The following NF2 variants were observed in gnomAD, a reference collection of about 807,000 sequenced individuals.
NF2 encodes NF2, moesin-ezrin-radixin like (MERLIN) tumor suppressor.
NF2 carries 8 observed loss-of-function variants against 83.7 expected under a neutral mutation model. The observed-to-expected ratio is 0.10, with a 90% CI of 0.06 to 0.17. NF2 has a LOEUF of 0.17. Ranked by LOEUF, NF2 falls within the 10% of genes least tolerant of loss-of-function variation. The pLI is 1.00. For synonymous variants in NF2, 266 were observed against 269.6 expected (o/e 0.99, Z 0.13); for missense variants, 533 against 744.4 (o/e 0.72, Z 3.31).
chr22:29,681,680 A>C, intron 15 of NF2, 79 bp downstream of exon 15: 1 of 1,557,602 alleles, frequency 6.4e-7, no homozygotes, highest in Non-Finnish European at 8.8e-7. Context: ...TGGTTTCCTC[A>C]GTAGCCAAGT....
intron 1 of NF2, among the ~76,000 whole-genome samples, chr22:29,628,732 G>A (rs1239658129): frequency 6.7e-6 from 1 of 148,722 alleles, no homozygotes; most frequent in Non-Finnish European, 1.5e-5. Flanking sequence ...CCAAGTTCAA[G>A]CGATTCTCCT....
chr22:29,664,993 A>C lies in NF2; in HGVS notation c.814A>C (p.Thr272Pro). ...GTGTTCTGCTTCATTCTTCCAGTTT[A>C]CTATTAAACCACTGGATAAGAAAAT... ...RNISYSDKEFTIKPLDKKIDV... is the reference protein window; with the variant it reads ...RNISYSDKEFPIKPLDKKIDV... Residue 272 changes from threonine to proline, a missense_variant, in exon 9 of 16, where the codon ACT becomes CCT. Thr to Pro is a conservative substitution (Grantham distance 38). Coordinates refer to ENST00000338641, the MANE Select transcript of NF2 (RefSeq NM_000268.4). 6.2e-7 allele frequency: 1 copy of C among 1,607,974 alleles called. No individual in the cohort carries two copies. The highest frequency in any genetic ancestry group is 1.1e-5 in the South Asian group (1 of 90,860).
At chr22:29,617,202 T>G (rs1197566557) in intron 1 of NF2, among the ~76,000 whole-genome samples, 1 of 152,248 alleles carries the variant, frequency 6.6e-6, no homozygotes, top group East Asian at 1.9e-4. Context: ...GTGCTGGGAT[T>G]ACAGGTGTGA....
intron 7 of NF2, among the ~76,000 whole-genome samples, chr22:29,659,982 A>G (rs1251283441): frequency 6.6e-6 from 1 of 152,208 alleles, no homozygotes; most frequent in Admixed American, 6.5e-5. Flanking sequence ...ATCTGCTGTT[A>G]GATGGGTACT....
At chr22:29,670,366 G>C (rs1426335708) in intron 10 of NF2, among the ~76,000 whole-genome samples, 1 of 152,038 alleles carries the variant, frequency 6.6e-6, no homozygotes, top group South Asian at 2.1e-4. Flanking sequence ...TAGATATGTA[G>C]TAAGCCACCT....
At chr22:29,652,184 T>C (rs1275533023) in intron 4 of NF2, among the ~76,000 whole-genome samples, 7 of 152,144 alleles carry the variant, frequency 4.6e-5, no homozygotes, top group Non-Finnish European at 1.0e-4. Flanking sequence ...ACCCCCCCAC[T>C]TCCCTTCAGG....
intron 8 of NF2, among the ~76,000 whole-genome samples, chr22:29,663,039 G>A (rs2066521924): frequency 6.6e-6 from 1 of 152,198 alleles, no homozygotes; most frequent in African/African-American, 2.4e-5. Context: ...GATCTACTCA[G>A]CCATGCTTGA....
intron 1 of NF2, chr22:29,609,075 G>A: frequency 1.4e-6 from 1 of 740,552 alleles, no homozygotes; most frequent in Non-Finnish European, 2.5e-6. Flanking sequence ...ATGGCTATAA[G>A]AGGAGCCAAT....
intron 15 of NF2, among the ~76,000 whole-genome samples, chr22:29,685,158 C>G (rs2147137782): frequency 6.6e-6 from 1 of 151,998 alleles, no homozygotes; most frequent in South Asian, 2.1e-4. Context: ...CCCTCTGTCA[C>G]CCAGGCTGGT....
At chr22:29,668,472 T>C (rs752936460) in intron 10 of NF2, 26 bp downstream of exon 10, 2 of 1,558,090 alleles carry the variant, frequency 1.3e-6, no homozygotes, top group Non-Finnish European at 1.8e-6. Context: ...TTTTAACTGA[T>C]GATGTCACTG....
chr22:29,683,929 CCCCAGTAGTA>C, intron 15 of NF2: 1 of 1,033,166 alleles, frequency 9.7e-7, no homozygotes. Flanking sequence ...CTCACCTAAT[CCCCAGTAGTA>C]CCCATGCCAA....
At chr22:29,669,514 A>G (rs893097008) in intron 10 of NF2, among the ~76,000 whole-genome samples, 1 of 152,350 alleles carries the variant, frequency 6.6e-6, no homozygotes, top group South Asian at 2.1e-4. Context: ...TTTAAAACAG[A>G]AGCAGAAACA....
intron 6 of NF2, among the ~76,000 whole-genome samples, chr22:29,657,737 A>G (rs1190604409): frequency 6.6e-6 from 1 of 152,236 alleles, no homozygotes; most frequent in East Asian, 1.9e-4. Context: ...CTAACCTCCA[A>G]CAATACTCAG....
At chr22:29,656,185 C>T (rs963488701) in intron 6 of NF2, among the ~76,000 whole-genome samples, 2 of 151,906 alleles carry the variant, frequency 1.3e-5, no homozygotes, top group Non-Finnish European at 2.9e-5. Context: ...AGCAATCTGC[C>T]CACCTCGGCC....
chr22:29,643,847 T>C (rs2065886454), intron 4 of NF2, among the ~76,000 whole-genome samples: 1 of 152,098 alleles, frequency 6.6e-6, no homozygotes, highest in African/African-American at 2.4e-5. Flanking sequence ...GAGGGGCTCC[T>C]TACTTCCCAG....
intron 4 of NF2, among the ~76,000 whole-genome samples, chr22:29,645,537 A>G (rs138202479): frequency 1.3e-5 from 2 of 152,308 alleles, no homozygotes; most frequent in Non-Finnish European, 2.9e-5. Context: ...TGTCCTTTCA[A>G]TCAGTATCAC....
Position 29,658,225 on chromosome 22 carries a change from G to A in NF2, c.636G>A (p.Gln212=), listed in dbSNP as rs2146989972. ...EAEMEYLKIA[Q]DLEMYGVNYF... ...AAATGGAATATCTGAAGATAGCTCA[G>A]GACCTGGAGATGTACGGTGTGAACT... Residue 212 remains glutamine (Q), a synonymous_variant, in exon 7 of 16, where the codon CAG becomes CAA. Transcript: ENST00000338641. 1 of 1,614,198 alleles carries A rather than the reference G, an allele frequency of 6.2e-7. No homozygotes were observed. The highest frequency in any genetic ancestry group is 1.1e-5 in the South Asian group (1 of 91,086).
At position 29,679,614 on chromosome 22, in the gene NF2, T is replaced by C. The variant is rs373067598; in HGVS notation, c.1574+1291T>C. 1.4e-4 allele frequency among the ~76,000 whole-genome samples: 21 copies of C among 152,242 alleles called. No individual in the cohort carries two copies. The East Asian group carries it at 4.1e-3, about 29-fold the overall frequency. ...AGGCACAGTGGCTCATGCCTGTAAT[T>C]CCAGCACTTTGGGAGTCCAAGGGGG... On this transcript the variant is annotated intron_variant, in intron 14 of 15. Transcript: ENST00000338641.
rs1054395662 is a variant in NF2 at position 29,636,601 on chromosome 22, G to A, written c.115-150G>A. 6 of 1,027,218 alleles carry A rather than the reference G, an allele frequency of 5.8e-6. No homozygotes were observed. The Admixed American group carries it at 1.1e-4, about 19-fold the overall frequency. The allele number at this position is 1,027,218 out of a possible 1,614,324, so 63.6% of individuals were successfully genotyped here. The stretch of plus-strand genomic sequence containing the variant: ...TTTTCCCACTCATGGGTTTGTAAAG[G>A]AAGCTTTAAAATTATTTAGGAATTC... On this transcript the variant is annotated intron_variant, in intron 1 of 15. Coordinates refer to ENST00000338641, the MANE Select transcript of NF2 (RefSeq NM_000268.4). The surrounding 1 kb of genome is among the most constrained non-coding windows in gnomAD (Gnocchi z 4.4).
Sources: gnomAD v4.1 joint callset for allele counts (sites outside exome capture counted in the v4.1 genomes callset) on GRCh38, gnomAD v4.1.1 for gene constraint, Gnocchi (gnomAD v3.1) non-coding constraint, MANE v1.5 for transcripts, NCBI Gene and HGNC (gene_info 2026-07-23, HGNC 2026-07-21) for gene names.